The following CDKN2B variants were observed in gnomAD, a reference collection of about 807,000 sequenced individuals.
The protein encoded by CDKN2B is cyclin-dependent kinase 4 inhibitor B.
Under a neutral mutation model 7.7 loss-of-function variants are expected in CDKN2B, and 8 were observed. That is an observed-to-expected ratio of 1.04 (90% CI 0.61 to 1.87). CDKN2B has a LOEUF of 1.87. Ranked by LOEUF, CDKN2B falls within the 40% of genes most tolerant of loss-of-function variation. CDKN2B has a pLI of 0.00. For missense variants in CDKN2B, 244 were observed against 213.1 expected (o/e 1.15, Z -0.90); for synonymous variants, 93 against 95.8 (o/e 0.97, Z 0.17).
rs1821089761 is a variant in CDKN2B, at chr9:22,004,918, G to A, written c.*1069C>T. ...AGGTTAAGAAGAAAGCAATCTAGGCGTTTGCACTGAGTTTGCAACAGTGCC... is the reference window on the plus strand; with the variant it reads ...AGGTTAAGAAGAAAGCAATCTAGGCATTTGCACTGAGTTTGCAACAGTGCC... On this transcript the variant is annotated 3_prime_UTR_variant, in exon 2 of 2. Coordinates refer to ENST00000276925, the MANE Select transcript of CDKN2B (RefSeq NM_004936.4). 8.6e-6 allele frequency: 2 copies of A among 233,150 alleles called. No individual in the cohort carries two copies. Among genetic ancestry groups the A allele is most frequent in the South Asian group, 1.8e-4 (1 of 5,528 alleles). 14.4% of individuals were successfully genotyped at this position (233,150 alleles called of 1,614,324 possible).
In CDKN2B at chr9:22,008,978, G is replaced by A. The variant is rs1276300574; in HGVS notation, c.-25C>T. On this transcript the variant is annotated 5_prime_UTR_variant, in exon 1 of 2. Coordinates refer to ENST00000276925, the MANE Select transcript of CDKN2B (RefSeq NM_004936.4). The stretch of plus-strand genomic sequence containing the variant: ...TTCCGCAGCCCCCAGACGCGCAGCG[G>A]CCCGGATAATCCACCGTTGGCCGTA... 6.2e-7 allele frequency: 1 copy of A among 1,613,168 alleles called. No individual in the cohort carries two copies. The highest frequency in any genetic ancestry group is 8.5e-7 in the Non-Finnish European group (1 of 1,179,978).
intron 1 of CDKN2B, among the ~76,000 whole-genome samples, chr9:22,007,538 G>C (rs1465193924): frequency 1.3e-5 from 2 of 151,924 alleles, no homozygotes; most frequent in Non-Finnish European, 2.9e-5. Context: ...GACAATTTTT[G>C]GTAACTAAAT....
chr9:22,006,322 GGAGCCA>G lies in CDKN2B; in HGVS notation c.157-81_157-76del, dbSNP rs1224370376. On this transcript the variant is annotated intron_variant, in intron 1 of 1. Coordinates refer to ENST00000276925, the MANE Select transcript of CDKN2B (RefSeq NM_004936.4). This position sits in a 1 kb window ranked among gnomAD's most constrained non-coding sequence, Gnocchi z 6.4. Reference sequence around the variant, plus strand: ...AGATGCCGGCCGGGGCAAGGCAGGTGGAGCCATTTAAAGAAACACCTAATTGCAAAG... The same window carrying G: ...AGATGCCGGCCGGGGCAAGGCAGGTGTTTAAAGAAACACCTAATTGCAAAG... 6.9e-6 allele frequency: 11 copies of G among 1,584,642 alleles called. No individual in the cohort carries two copies. The highest frequency in any genetic ancestry group is 1.3e-5 in the African/African-American group (1 of 74,586).
rs766401440 is a variant in CDKN2B, at chr9:22,008,695, T to G, written c.156+103A>C. 3.7e-6 allele frequency: 6 copies of G among 1,611,120 alleles called. No individual in the cohort carries two copies. In the East Asian group the frequency reaches 1.3e-4, roughly 36 times the overall value. On this transcript the variant is annotated intron_variant, in intron 1 of 1. Transcript: ENST00000276925. ...CACACCTCCGGCCAACGGAGACTCC[T>G]GTACAAATCTACATCGGCGATCTAG...
chr9:22,006,080 C>T lies in CDKN2B; in HGVS notation c.324G>A (p.Val108=), dbSNP rs1009302274. 1.2e-6 allele frequency: 2 copies of T among 1,607,300 alleles called. No homozygotes were observed. The highest frequency in any genetic ancestry group is 1.7e-5 in the Admixed American group (1 of 59,984). The change falls in exon 2 of 2, where the codon GTG becomes GTA. Residue 108 remains valine, a synonymous_variant. Coordinates refer to ENST00000276925, the MANE Select transcript of CDKN2B (RefSeq NM_004936.4). This position sits in a 1 kb window ranked among gnomAD's most constrained non-coding sequence, Gnocchi z 6.4. ...VLHRAGARLD[V]RDAWGRLPVD... ...CGGGCAGACGACCCCAGGCATCGCG[C>T]ACGTCCAGCCGCGCCCCGGCCCGGT...
chr9:22,009,266 G>A lies in CDKN2B; in HGVS notation c.-313C>T, dbSNP rs978239428. 15 of 519,112 alleles carry A rather than the reference G, an allele frequency of 2.9e-5. No individual in the cohort carries two copies. The highest frequency in any genetic ancestry group is 2.1e-4 in the Admixed American group (6 of 28,480). The allele number at this position is 519,112 out of a possible 1,614,324, so 32.2% of individuals were successfully genotyped here. On this transcript the variant is annotated 5_prime_UTR_variant, in exon 1 of 2. The change creates a new upstream start codon in the 5' untranslated region. Coordinates refer to ENST00000276925, the MANE Select transcript of CDKN2B (RefSeq NM_004936.4). ...CGCTCTGGCCGCAGGGTGCGGACGCGTCGCGGAGTCCTCACTGCCCCGCCT... is the reference window on the plus strand; with the variant it reads ...CGCTCTGGCCGCAGGGTGCGGACGCATCGCGGAGTCCTCACTGCCCCGCCT...
At chr9:22,008,191 C>G (rs1821288929) in intron 1 of CDKN2B, among the ~76,000 whole-genome samples, 1 of 152,160 alleles carries the variant, frequency 6.6e-6, no homozygotes, top group African/African-American at 2.4e-5. Flanking sequence ...TTTTTGTAAT[C>G]TGGGCACTGA....
Position 22,008,910 on chromosome 9 carries a change from T to C in CDKN2B, c.44A>G (p.Asp15Gly), listed in dbSNP as rs1487774219. The C allele has an allele frequency of 1.2e-6, 2 of 1,612,892 alleles. No individual in the cohort carries two copies. The highest frequency in any genetic ancestry group is 2.2e-5 in the South Asian group (2 of 91,068). The change falls in exon 1 of 2, where the codon GAT becomes GGT. Residue 15 changes from aspartate (D) to glycine (G), a missense_variant. Transcript: ENST00000276925. ...NKGMPSGGGSDEGLASAAARG... is the reference protein window; with the variant it reads ...NKGMPSGGGSGEGLASAAARG... ...CGCCGCGGCGCTGGCCAGACCCTCATCGCTGCCGCCCCCACTGGGCATGCC... is the reference window on the plus strand; with the variant it reads ...CGCCGCGGCGCTGGCCAGACCCTCACCGCTGCCGCCCCCACTGGGCATGCC...
chr9:22,008,833 T>G lies in CDKN2B; in HGVS notation c.121A>C (p.Asn41His). The G allele has an allele frequency of 6.2e-7, 1 of 1,608,860 alleles. No homozygotes were observed. The highest frequency in any genetic ancestry group is 2.2e-5 in the East Asian group (1 of 44,750). Residue 41 changes from asparagine to histidine, a missense_variant, in exon 1 of 2, where the codon AAC (asparagine) becomes CAC (histidine). By Grantham distance (68) the Asn-to-His change is moderately conservative. Transcript: ENST00000276925. Reference protein sequence around the residue: ...RQLLEAGADPNGVNRFGRRAI... With the variant: ...RQLLEAGADPHGVNRFGRRAI... ...CGCCTCCCGAAACGGTTGACTCCGT[T>G]GGGATCCGCGCCGGCTTCCAGGAGC...
Position 22,004,093 on chromosome 9 carries a change from A to C in CDKN2B, c.*1894T>G, listed in dbSNP as rs1228362561. 2 of 232,412 alleles carry C rather than the reference A, an allele frequency of 8.6e-6. No individual in the cohort carries two copies. Among genetic ancestry groups the C allele is most frequent in the South Asian group, 3.6e-4 (2 of 5,524 alleles). The allele number at this position is 232,412 out of a possible 1,614,324, so 14.4% of individuals were successfully genotyped here. A position where few individuals can be genotyped will look rare whatever the true frequency, so the allele number is the denominator to read the frequency against. ...ATCTGGGAAACAATACCTATCTCTCAGGTTTAAATATTAAATTAACAAATA... is the reference window on the plus strand; with the variant it reads ...ATCTGGGAAACAATACCTATCTCTCCGGTTTAAATATTAAATTAACAAATA... On this transcript the variant is annotated 3_prime_UTR_variant, in exon 2 of 2. Transcript: ENST00000276925.
At position 22,005,260 on chromosome 9, in the gene CDKN2B, C is replaced by G. The variant is rs1450649839; in HGVS notation, c.*727G>C. 1 of 235,526 alleles carries G rather than the reference C, an allele frequency of 4.2e-6. No homozygotes were observed. Among genetic ancestry groups the G allele is most frequent in the Non-Finnish European group, 8.4e-6 (1 of 119,692 alleles). 14.6% of individuals were successfully genotyped at this position (235,526 alleles called of 1,614,324 possible). ...CTCCTCAGTGTAGTAAGAGCAAAGG[C>G]CAGCATCCTGTGCAAAGGTGCTCTG... On this transcript the variant is annotated 3_prime_UTR_variant, in exon 2 of 2. Transcript: ENST00000276925. The surrounding 1 kb of genome is among the most constrained non-coding windows in gnomAD (Gnocchi z 4.9).
intron 1 of CDKN2B, among the ~76,000 whole-genome samples, chr9:22,007,233 G>A (rs1563915379): frequency 6.6e-6 from 1 of 152,040 alleles, no homozygotes; most frequent in Admixed American, 6.6e-5. Context: ...ATGGTGGGGC[G>A]TGCCTGTAGT....
At chr9:22,008,449 ATACTT>A (rs1821301942) in intron 1 of CDKN2B, among the ~76,000 whole-genome samples, 1 of 152,170 alleles carries the variant, frequency 6.6e-6, no homozygotes, top group African/African-American at 2.4e-5. Context: ...TGCGTAACTT[ATACTT>A]TACTTATCTT....
rs188843538 is a variant in CDKN2B, at chr9:22,006,537, A to G, written c.157-290T>C. 2.9e-3 allele frequency among the ~76,000 whole-genome samples: 441 copies of G among 152,360 alleles called. No homozygotes were observed. Among genetic ancestry groups the G allele is most frequent in the Non-Finnish European group, 5.3e-3 (363 of 68,034 alleles). On this transcript the variant is annotated intron_variant, in intron 1 of 1. Transcript: ENST00000276925. This position sits in a 1 kb window ranked among gnomAD's most constrained non-coding sequence, Gnocchi z 6.4. ...GTGATGATCATCATTATGGAAAAAC[A>G]AATCTTGATTTCCATTGGAACATGG...
Position 22,006,756 on chromosome 9 carries a change from T to C in CDKN2B, c.157-509A>G, listed in dbSNP as rs1422143091. Among the ~76,000 whole-genome samples the C allele has an allele frequency of 6.8e-6, 1 of 148,028 alleles. No homozygotes were observed. Among genetic ancestry groups the C allele is most frequent in the Non-Finnish European group, 1.5e-5 (1 of 67,032 alleles). On this transcript the variant is annotated intron_variant, in intron 1 of 1. Coordinates refer to ENST00000276925, the MANE Select transcript of CDKN2B (RefSeq NM_004936.4). The surrounding 1 kb of genome is among the most constrained non-coding windows in gnomAD (Gnocchi z 6.4). ...ATAAACAACTAAGTTTTTTTCTTTCTTTTTTTTTTAATTTATTTAGTTCTC... is the reference window on the plus strand; with the variant it reads ...ATAAACAACTAAGTTTTTTTCTTTCCTTTTTTTTTAATTTATTTAGTTCTC...
At position 22,004,602 on chromosome 9, in the gene CDKN2B, A is replaced by G. The variant is rs896641853; in HGVS notation, c.*1385T>C. On this transcript the variant is annotated 3_prime_UTR_variant, in exon 2 of 2. Coordinates refer to ENST00000276925, the MANE Select transcript of CDKN2B (RefSeq NM_004936.4). Reference sequence around the variant, plus strand: ...TAATTCTTTATTAAAGTAGTGAAGTATCAGTTGTTCCAATGATATAATGAT... The same window carrying G: ...TAATTCTTTATTAAAGTAGTGAAGTGTCAGTTGTTCCAATGATATAATGAT... 2 of 232,470 alleles carry G rather than the reference A, an allele frequency of 8.6e-6. No homozygotes were observed. The highest frequency in any genetic ancestry group is 1.7e-5 in the Non-Finnish European group (2 of 117,692). The allele number at this position is 232,470 out of a possible 1,614,324, so 14.4% of individuals were successfully genotyped here. A position where few individuals can be genotyped will look rare whatever the true frequency, so the allele number is the denominator to read the frequency against.
In CDKN2B at chr9:22,006,230, G is replaced by A. The variant is rs531754702; in HGVS notation, c.174C>T (p.Ser58=). 5.0e-6 allele frequency: 8 copies of A among 1,606,182 alleles called. No homozygotes were observed. In the East Asian group the frequency reaches 6.7e-5, roughly 13 times the overall value. The change falls in exon 2 of 2, where the codon AGC becomes AGT. Residue 58 remains serine (S), a synonymous_variant. Coordinates refer to ENST00000276925, the MANE Select transcript of CDKN2B (RefSeq NM_004936.4). The surrounding 1 kb of genome is among the most constrained non-coding windows in gnomAD (Gnocchi z 6.4). ...RRAIQVMMMG[S]ARVAELLLLH... ...GCAGCAGCAGCTCCGCCACGCGGGC[G>A]CTGCCCATCATCATGACCTGCCAGA...
Position 22,009,297 on chromosome 9 carries a change from T to A in CDKN2B, c.-344A>T. 2.2e-6 allele frequency: 1 copy of A among 451,166 alleles called. No individual in the cohort carries two copies. The highest frequency in any genetic ancestry group is 4.0e-6 in the Non-Finnish European group (1 of 252,226). The allele number at this position is 451,166 out of a possible 1,614,324, so 27.9% of individuals were successfully genotyped here. A position where few individuals can be genotyped will look rare whatever the true frequency, so the allele number is the denominator to read the frequency against. ...GAGTCCTCACTGCCCCGCCTCGCTC[T>A]GGCAGAGTGGGGAGCCAGCCGGCAA... On this transcript the variant is annotated 5_prime_UTR_variant, in exon 1 of 2. Transcript: ENST00000276925.
At chr9:22,008,694 C>G in intron 1 of CDKN2B, 104 bp downstream of exon 1, 12 of 1,611,046 alleles carry the variant, frequency 7.4e-6, no homozygotes, top group Non-Finnish European at 8.5e-6. Context: ...ACGGAGACTC[C>G]TGTACAAATC....
Sources: allele counts gnomAD v4.1 joint callset (sites outside exome capture counted in the v4.1 genomes callset), GRCh38; gene constraint gnomAD v4.1.1; non-coding constraint Gnocchi (gnomAD v3.1); transcripts MANE v1.5; gene names NCBI Gene and HGNC (gene_info 2026-07-23, HGNC 2026-07-21).